The following ZNF385D variants were observed in gnomAD, a reference collection of about 807,000 sequenced individuals.
ZNF385D encodes zinc finger protein 659.
In ZNF385D, 15 loss-of-function variants were observed where a neutral mutation model predicts 35.8. The ratio of observed to expected loss-of-function variants is 0.42; its 90% CI spans 0.28 to 0.64. ZNF385D has a LOEUF of 0.64. Ranked by LOEUF, ZNF385D falls within the 30% of genes least tolerant of loss-of-function variation. The probability of loss-of-function intolerance (pLI) is 0.23; values close to 1 mark genes in which losing one functional copy is unlikely to be tolerated. For synonymous variants in ZNF385D, 212 were observed against 186.8 expected, an observed-to-expected ratio of 1.13 and a Z score of -1.10; for missense variants, 474 against 494.6, an observed-to-expected ratio of 0.96 and a Z score of 0.39.
chr3:21,678,875 C>T (rs1047136730), intron 1 of ZNF385D, among the ~76,000 whole-genome samples: 2 of 151,988 alleles, frequency 1.3e-5, no homozygotes, highest in African/African-American at 4.8e-5. Context: ...CCTTTGCTTG[C>T]CTATTTATAC....
At chr3:21,552,705 T>C (rs1343794739) in intron 3 of ZNF385D, among the ~76,000 whole-genome samples, 1 of 152,184 alleles carries the variant, frequency 6.6e-6, no homozygotes, top group Non-Finnish European at 1.5e-5. Flanking sequence ...GTCATGAAAT[T>C]CAGTTCAAAC....
At chr3:21,802,369 T>C (rs558228311) in intron 3 of ZNF385D, among the ~76,000 whole-genome samples, 2 of 152,308 alleles carry the variant, frequency 1.3e-5, no homozygotes, top group African/African-American at 2.4e-5. Flanking sequence ...AGAGGATTTT[T>C]CATTGTTTCC....
intron 2 of ZNF385D, among the ~76,000 whole-genome samples, chr3:22,326,816 G>A (rs1372123546): frequency 6.6e-6 from 1 of 152,136 alleles, no homozygotes; most frequent in African/African-American, 2.4e-5. Context: ...TCAAGATACC[G>A]AACATTACCA....
At chr3:21,888,951 T>G (rs931717244) in intron 3 of ZNF385D, among the ~76,000 whole-genome samples, 1 of 152,202 alleles carries the variant, frequency 6.6e-6, no homozygotes, top group Admixed American at 6.5e-5. Flanking sequence ...CTCCTCTCCT[T>G]ACACCAATAA....
intron 1 of ZNF385D, among the ~76,000 whole-genome samples, chr3:21,743,113 C>G (rs918651765): frequency 1.3e-5 from 2 of 152,122 alleles, no homozygotes; most frequent in Admixed American, 1.3e-4. Flanking sequence ...CCCAAGGACA[C>G]AGCACTACTG....
chr3:22,134,867 C>T (rs771796581), intron 3 of ZNF385D, among the ~76,000 whole-genome samples: 2 of 152,120 alleles, frequency 1.3e-5, no homozygotes, highest in Non-Finnish European at 2.9e-5. Flanking sequence ...TGGCCATAAT[C>T]GCATTATGAC....
At chr3:22,371,198 C>T (rs1047792274) in intron 2 of ZNF385D, among the ~76,000 whole-genome samples, 7 of 152,142 alleles carry the variant, frequency 4.6e-5, no homozygotes, top group African/African-American at 1.7e-4. Flanking sequence ...CAACGAGTGG[C>T]ACGACAACCC....
intron 2 of ZNF385D, among the ~76,000 whole-genome samples, chr3:22,240,316 G>C (rs985837137): frequency 6.6e-6 from 1 of 150,560 alleles, no homozygotes; most frequent in Non-Finnish European, 1.5e-5. Context: ...CCTTATTAGA[G>C]ACACGGAAAG....
At chr3:21,819,674 A>G (rs1019317223) in intron 3 of ZNF385D, among the ~76,000 whole-genome samples, 6 of 147,018 alleles carry the variant, frequency 4.1e-5, no homozygotes, top group Non-Finnish European at 7.5e-5. Context: ...TTAATTATAT[A>G]TAATTATCTA....
intron 3 of ZNF385D, among the ~76,000 whole-genome samples, chr3:22,033,963 G>A (rs1037804977): frequency 2.0e-5 from 3 of 152,116 alleles, no homozygotes; most frequent in Non-Finnish European, 4.4e-5. Context: ...CTTTCTCCAG[G>A]AAACCTGAGA....
In ZNF385D at chr3:22,109,940, T is replaced by C. The variant is rs189168683; in HGVS notation, c.325+58877A>G. 5.0e-3 allele frequency among the ~76,000 whole-genome samples: 765 copies of C among 151,990 alleles called. 3 individuals are homozygous for C. Among genetic ancestry groups the C allele is most frequent in the Non-Finnish European group, 8.7e-3 (588 of 67,974 alleles). On this transcript the variant is annotated intron_variant, in intron 3 of 5. Transcript: ENST00000494108. ...AATCTACAATGAACTCAAACAAATT[T>C]ACAAGAAAAAAACAAACCCATCAAC...
intron 3 of ZNF385D, among the ~76,000 whole-genome samples, chr3:21,798,951 C>G (rs1015467750): frequency 6.6e-6 from 1 of 152,142 alleles, no homozygotes; most frequent in Non-Finnish European, 1.5e-5. Flanking sequence ...AGTAAGCAGA[C>G]ACTCTCCATT....
intron 3 of ZNF385D, among the ~76,000 whole-genome samples, chr3:21,543,498 A>G (rs1375838210): frequency 6.6e-6 from 1 of 152,108 alleles, no homozygotes; most frequent in Non-Finnish European, 1.5e-5. Flanking sequence ...GCTGGGATGC[A>G]TGGCCTAAGG....
At chr3:22,163,389 A>C (rs527803123) in intron 3 of ZNF385D, among the ~76,000 whole-genome samples, 1 of 152,308 alleles carries the variant, frequency 6.6e-6, no homozygotes, top group East Asian at 1.9e-4. Context: ...TAGCCCCCTA[A>C]TTAATTTATA....
intron 4 of ZNF385D, among the ~76,000 whole-genome samples, chr3:21,494,110 C>A (rs1705639395): frequency 6.6e-6 from 1 of 152,110 alleles, no homozygotes; most frequent in African/African-American, 2.4e-5. Context: ...AAATTATCTA[C>A]TATAAATTTT....
At chr3:21,900,992 C>T (rs1379841058) in intron 3 of ZNF385D, among the ~76,000 whole-genome samples, 1 of 152,200 alleles carries the variant, frequency 6.6e-6, no homozygotes, top group Non-Finnish European at 1.5e-5. Context: ...GCCTGGCATC[C>T]ATGCCTGTGC....
chr3:21,913,469 ATGAC>A (rs1373700005), intron 3 of ZNF385D, among the ~76,000 whole-genome samples: 1 of 152,128 alleles, frequency 6.6e-6, no homozygotes, highest in Non-Finnish European at 1.5e-5. Flanking sequence ...CATTTACTGA[ATGAC>A]TATTAGATTC....
chr3:21,971,052 A>G (rs890882286), intron 3 of ZNF385D, among the ~76,000 whole-genome samples: 5 of 152,172 alleles, frequency 3.3e-5, no homozygotes, highest in Admixed American at 1.3e-4. Flanking sequence ...GACCTGTCCT[A>G]CAAGAAATAC....
intron 2 of ZNF385D, among the ~76,000 whole-genome samples, chr3:22,187,710 C>T (rs1363659962): frequency 1.3e-5 from 2 of 152,034 alleles, no homozygotes; most frequent in Non-Finnish European, 2.9e-5. Context: ...ATTATTTTAA[C>T]ATTGGTTTAT....
Sources: gnomAD v4.1 joint callset for allele counts (sites outside exome capture counted in the v4.1 genomes callset) on GRCh38, gnomAD v4.1.1 for gene constraint, MANE v1.5 for transcripts, NCBI Gene and HGNC (gene_info 2026-07-23, HGNC 2026-07-21) for gene names.